The following PCP4 variants were observed in gnomAD, a reference collection of about 807,000 sequenced individuals.
The protein encoded by PCP4 is Purkinje cell protein 4.
In PCP4, 8 loss-of-function variants were observed where a neutral mutation model predicts 10.0. That is an observed-to-expected ratio of 0.80 (90% CI 0.47 to 1.45). The LOEUF is 1.45. Ranked by LOEUF, PCP4 falls within the 40% of genes most tolerant of loss-of-function variation. PCP4 has a pLI of 0.00. For synonymous variants in PCP4, 21 were observed against 23.0 expected, an observed-to-expected ratio of 0.91 and a Z score of 0.24; for missense variants, 54 against 74.4, an observed-to-expected ratio of 0.73 and a Z score of 1.01.
chr21:39,903,888 A>T (rs113856292), intron 2 of PCP4, among the ~76,000 whole-genome samples: 1 of 150,448 alleles, frequency 6.6e-6, no homozygotes, highest in Non-Finnish European at 1.5e-5. Context: ...AAAAAAAAAA[A>T]AAAAAAAAGA....
chr21:39,906,338 A>G lies in PCP4; in HGVS notation c.61+7811A>G, dbSNP rs964422517. Among the ~76,000 whole-genome samples, 1 of 152,202 alleles carries G rather than the reference A, an allele frequency of 6.6e-6. No individual in the cohort carries two copies. Among genetic ancestry groups the G allele is most frequent in the Admixed American group, 6.5e-5 (1 of 15,284 alleles). ...GAATAAAGTTAATGGGCTACATCTT[A>G]GCCAAACCAGAAACTATTGTATCCA... is the stretch of plus-strand genomic sequence containing the variant. On this transcript the variant is annotated intron_variant, in intron 2 of 2. Transcript: ENST00000328619. This position sits in a 1 kb window ranked among gnomAD's most constrained non-coding sequence, Gnocchi z 6.3.
intron 2 of PCP4, among the ~76,000 whole-genome samples, chr21:39,919,497 C>T (rs1010799267): frequency 6.6e-6 from 1 of 152,190 alleles, no homozygotes; most frequent in Admixed American, 6.5e-5. Context: ...GACTCCTACT[C>T]GGGACTATTA....
chr21:39,888,437 G>C (rs147469351), intron 1 of PCP4, among the ~76,000 whole-genome samples: 1 of 152,184 alleles, frequency 6.6e-6, no homozygotes, highest in Non-Finnish European at 1.5e-5. Context: ...TGGGGGGAGC[G>C]TGGCTGCTGG....
intron 2 of PCP4, among the ~76,000 whole-genome samples, chr21:39,927,275 C>T (rs1187948187): frequency 6.9e-6 from 1 of 144,940 alleles, no homozygotes; most frequent in Non-Finnish European, 1.5e-5. Flanking sequence ...CTGTCTGTCT[C>T]TCTGATCTAT....
intron 1 of PCP4, among the ~76,000 whole-genome samples, chr21:39,869,015 A>G (rs1401649806): frequency 1.3e-5 from 2 of 152,138 alleles, no homozygotes; most frequent in African/African-American, 2.4e-5. Context: ...GACTCTACAG[A>G]TATTTCAGAA....
At chr21:39,907,878 A>G (rs150998483) in intron 2 of PCP4, among the ~76,000 whole-genome samples, 1 of 152,334 alleles carries the variant, frequency 6.6e-6, no homozygotes, top group African/African-American at 2.4e-5. Flanking sequence ...TAGGTGGAGC[A>G]GGAGAAGAGA....
intron 2 of PCP4, among the ~76,000 whole-genome samples, chr21:39,914,828 G>A (rs1021560894): frequency 6.6e-6 from 1 of 152,100 alleles, no homozygotes; most frequent in East Asian, 1.9e-4. Flanking sequence ...TTTAAATCTG[G>A]TATTTGAAAT....
intron 1 of PCP4, among the ~76,000 whole-genome samples, chr21:39,887,749 A>G (rs1381393096): frequency 6.6e-6 from 1 of 152,228 alleles, no homozygotes; most frequent in African/African-American, 2.4e-5. Context: ...GGATCATCTA[A>G]GAGCCTGATT....
chr21:39,871,500 ACTT>A (rs1260098025), intron 1 of PCP4, among the ~76,000 whole-genome samples: 4 of 152,210 alleles, frequency 2.6e-5, no homozygotes, highest in Non-Finnish European at 5.9e-5. Context: ...TGACAATTCA[ACTT>A]CTTATGTAAT....
At chr21:39,894,116 A>G (rs2087446506) in intron 1 of PCP4, among the ~76,000 whole-genome samples, 1 of 152,172 alleles carries the variant, frequency 6.6e-6, no homozygotes, top group Non-Finnish European at 1.5e-5. Flanking sequence ...GAGAAGAATG[A>G]GAACATCTGA....
intron 1 of PCP4, among the ~76,000 whole-genome samples, chr21:39,884,434 C>T (rs2087390380): frequency 1.3e-5 from 2 of 151,924 alleles, no homozygotes; most frequent in African/African-American, 4.8e-5. Flanking sequence ...CTGTCTCAGA[C>T]TCCCAAAGTG....
intron 2 of PCP4, among the ~76,000 whole-genome samples, chr21:39,925,734 T>A (rs1453228178): frequency 6.6e-6 from 1 of 152,106 alleles, no homozygotes; most frequent in Non-Finnish European, 1.5e-5. Flanking sequence ...CCCCCTGTAC[T>A]GCTCGTGGGT....
intron 1 of PCP4, among the ~76,000 whole-genome samples, chr21:39,887,447 G>T (rs780674013): frequency 6.6e-6 from 1 of 151,438 alleles, no homozygotes; most frequent in East Asian, 1.9e-4. Context: ...TCAATTTTTG[G>T]AATGTTATTA....
chr21:39,907,728 C>T (rs1004100905), intron 2 of PCP4, among the ~76,000 whole-genome samples: 27 of 151,846 alleles, frequency 1.8e-4, no homozygotes, highest in Admixed American at 1.5e-3. Flanking sequence ...ACCCAGGAGG[C>T]GGAGATTGAG....
intron 1 of PCP4, among the ~76,000 whole-genome samples, chr21:39,875,683 C>A (rs1232004945): frequency 6.6e-6 from 1 of 152,124 alleles, no homozygotes; most frequent in Non-Finnish European, 1.5e-5. Context: ...TCCTGCAGAT[C>A]CATAACAGAA....
chr21:39,919,809 G>T (rs1174310678), intron 2 of PCP4, among the ~76,000 whole-genome samples: 1 of 150,704 alleles, frequency 6.6e-6, no homozygotes, highest in African/African-American at 2.4e-5. Flanking sequence ...TGGTGTATTT[G>T]TGAGTGTGTG....
At chr21:39,917,140 TG>T (rs1385150485) in intron 2 of PCP4, among the ~76,000 whole-genome samples, 1 of 152,232 alleles carries the variant, frequency 6.6e-6, no homozygotes, top group African/African-American at 2.4e-5. Context: ...TCAGCCTAGA[TG>T]GTGTCCAGCC....
At chr21:39,888,612 G>A (rs145313357) in intron 1 of PCP4, among the ~76,000 whole-genome samples, 1 of 152,328 alleles carries the variant, frequency 6.6e-6, no homozygotes, top group Non-Finnish European at 1.5e-5. Flanking sequence ...GTGTGAGTTA[G>A]GGGACTCCCC....
At chr21:39,922,712 CTGTT>C (rs1321807627) in intron 2 of PCP4, among the ~76,000 whole-genome samples, 2 of 152,186 alleles carry the variant, frequency 1.3e-5, no homozygotes, top group Non-Finnish European at 2.9e-5. Context: ...TGCAACTACA[CTGTT>C]TGTTGAGAAA....
Sources: allele counts gnomAD v4.1 joint callset (sites outside exome capture counted in the v4.1 genomes callset), GRCh38; gene constraint gnomAD v4.1.1; non-coding constraint Gnocchi (gnomAD v3.1); transcripts MANE v1.5; gene names NCBI Gene and HGNC (gene_info 2026-07-23, HGNC 2026-07-21).